Variants in RYR2 observed in about 807,000 individuals in gnomAD.
RYR2 encodes the protein ryanodine receptor 2, also known as cardiac muscle ryanodine receptor-calcium release channel.
Under a neutral mutation model 601.1 loss-of-function variants are expected in RYR2, and 227 were observed. That is an observed-to-expected ratio of 0.38 (90% CI 0.34 to 0.42). The LOEUF is 0.42. Ranked by LOEUF, RYR2 falls within the 10% of genes least tolerant of loss-of-function variation. The pLI, the probability that RYR2 is intolerant of heterozygous loss-of-function variation, is 1.00. For missense variants in RYR2, 4,646 were observed against 6,156.5 expected (o/e 0.75, Z 8.21); for synonymous variants, 2,223 against 2,175.1 (o/e 1.02, Z -0.61).
At chr1:237,776,449 A>G (rs1053640090) in intron 87 of RYR2, among the ~76,000 whole-genome samples, 50 of 152,286 alleles carry the variant, frequency 3.3e-4, no homozygotes, top group Non-Finnish European at 6.5e-4. Flanking sequence ...CCACTTTCAG[A>G]TAAATAAAAT....
chr1:237,154,072 G>A (rs968008337), intron 1 of RYR2, among the ~76,000 whole-genome samples: 1 of 152,164 alleles, frequency 6.6e-6, no homozygotes, highest in Non-Finnish European at 1.5e-5. Context: ...TGCAAGAGGG[G>A]CTCTGGGCTG....
intron 100 of RYR2, among the ~76,000 whole-genome samples, chr1:237,811,984 A>AT (rs777939605): frequency 2.0e-5 from 3 of 151,976 alleles, no homozygotes; most frequent in Non-Finnish European, 4.4e-5. Context: ...AGTCTTGTAG[A>AT]TTTTTTTTAT....
intron 86 of RYR2, among the ~76,000 whole-genome samples, chr1:237,772,587 T>C (rs1036766655): frequency 7.2e-5 from 11 of 152,226 alleles, no homozygotes; most frequent in Admixed American, 2.6e-4. Context: ...ATTGTAATCA[T>C]ATTTGAGAAC....
intron 63 of RYR2, among the ~76,000 whole-genome samples, chr1:237,693,532 CA>C (rs1359732403): frequency 1.3e-5 from 2 of 152,112 alleles, no homozygotes; most frequent in East Asian, 1.9e-4. Context: ...GATGTTATTA[CA>C]AAAAGCCAGC....
chr1:237,053,542 C>T (rs930023251), intron 1 of RYR2, among the ~76,000 whole-genome samples: 7 of 152,160 alleles, frequency 4.6e-5, no homozygotes, highest in South Asian at 2.1e-4. Context: ...AAAGAGGATA[C>T]GGAAACTGGT....
intron 51 of RYR2, among the ~76,000 whole-genome samples, chr1:237,653,534 G>A (rs182692925): frequency 7.9e-5 from 12 of 152,326 alleles, no homozygotes; most frequent in African/African-American, 2.4e-4. Flanking sequence ...TCTTCATATT[G>A]CAATCAGTGT....
intron 1 of RYR2, among the ~76,000 whole-genome samples, chr1:237,094,061 G>T (rs928768640): frequency 3.3e-5 from 5 of 152,220 alleles, no homozygotes; most frequent in African/African-American, 1.2e-4. Flanking sequence ...GGCCAGTGGG[G>T]CAGGCGAGCT....
intron 27 of RYR2, among the ~76,000 whole-genome samples, chr1:237,565,187 CTT>C (rs869066903): frequency 4.1e-4 from 29 of 70,188 alleles, no homozygotes; most frequent in Middle Eastern, 5.9e-3. Flanking sequence ...TTCTTTCTTT[CTT>C]TCTTTCTTTC....
At chr1:237,831,838 A>G (rs182735544) in intron 104 of RYR2, among the ~76,000 whole-genome samples, 3 of 136,322 alleles carry the variant, frequency 2.2e-5, no homozygotes, top group East Asian at 4.6e-4. Flanking sequence ...TGAAAAATTG[A>G]GTTCTTAATT....
intron 10 of RYR2, among the ~76,000 whole-genome samples, chr1:237,399,056 A>G (rs915974730): frequency 2.9e-4 from 44 of 152,280 alleles, no homozygotes; most frequent in African/African-American, 1.0e-3. Flanking sequence ...TTAGCTGGGC[A>G]TGGTGGCACA....
intron 25 of RYR2, among the ~76,000 whole-genome samples, chr1:237,530,997 A>G (rs1364383505): frequency 6.6e-6 from 1 of 152,216 alleles, no homozygotes; most frequent in Non-Finnish European, 1.5e-5. Context: ...AATAGTTTCT[A>G]TCACATTGCT....
rs1676579162 is a variant in RYR2 at position 237,602,199 on chromosome 1, G to A, written c.4683+88G>A. 8 of 856,472 alleles carry A rather than the reference G, an allele frequency of 9.3e-6. No homozygotes were observed. In the South Asian group the frequency reaches 1.4e-4, roughly 15 times the overall value. The allele number at this position is 856,472 out of a possible 1,614,324, so 53.1% of individuals were successfully genotyped here. ...ATTCTGAAATGAATTCAGTATATTA[G>A]TACTGATATGAATCAAATAAATCAT... On this transcript the variant is annotated intron_variant, in intron 35 of 104. Coordinates refer to ENST00000366574, the MANE Select transcript of RYR2 (RefSeq NM_001035.3).
intron 12 of RYR2, among the ~76,000 whole-genome samples, chr1:237,434,626 GC>G (rs1707159675): frequency 6.6e-6 from 1 of 152,040 alleles, no homozygotes; most frequent in South Asian, 2.1e-4. Flanking sequence ...AGCTTAAAAT[GC>G]CACTGAAACA....
At chr1:237,237,186 C>T (rs1685634349) in intron 1 of RYR2, among the ~76,000 whole-genome samples, 1 of 152,136 alleles carries the variant, frequency 6.6e-6, no homozygotes, top group African/African-American at 2.4e-5. Flanking sequence ...AAACCTCTTA[C>T]CTTTATAAAT....
At chr1:237,564,119 A>G (rs376994365) in intron 27 of RYR2, among the ~76,000 whole-genome samples, 14 of 152,274 alleles carry the variant, frequency 9.2e-5, no homozygotes, top group African/African-American at 1.9e-4. Flanking sequence ...TTTATAGCTC[A>G]TATTTATCTC....
At chr1:237,635,757 T>C (rs1680811182) in intron 44 of RYR2, among the ~76,000 whole-genome samples, 2 of 152,242 alleles carry the variant, frequency 1.3e-5, no homozygotes, top group Non-Finnish European at 2.9e-5. Flanking sequence ...CTACATCATC[T>C]GTTCCTACAT....
At chr1:237,772,219 T>C (rs1694327960) in intron 86 of RYR2, 119 bp downstream of exon 86, 1 of 545,736 alleles carries the variant, frequency 1.8e-6, no homozygotes, top group Non-Finnish European at 3.2e-6. Flanking sequence ...AGTTTATCTC[T>C]GATCACAATC....
chr1:237,401,260 C>T (rs111982730), intron 10 of RYR2, among the ~76,000 whole-genome samples: 10 of 152,254 alleles, frequency 6.6e-5, no homozygotes, highest in East Asian at 3.9e-4. Flanking sequence ...TAGCATACTG[C>T]GGTATATTTC....
Position 237,705,194 on chromosome 1 carries a change from A to G in RYR2, c.9450-19A>G, listed in dbSNP as rs755255735. On this transcript the variant is annotated intron_variant, in intron 66 of 104. Coordinates refer to ENST00000366574, the MANE Select transcript of RYR2 (RefSeq NM_001035.3). ...ACTCACTTGGAAGACCTTAAAACAT[A>G]AGCATTTTCCACTTATAGGCAACGT... 77 of 1,601,364 alleles carry G rather than the reference A, an allele frequency of 4.8e-5. No individual in the cohort carries two copies. The highest frequency in any genetic ancestry group is 6.6e-5 in the Non-Finnish European group (77 of 1,172,220).
Sources: gnomAD v4.1 joint callset for allele counts (sites outside exome capture counted in the v4.1 genomes callset) on GRCh38, gnomAD v4.1.1 for gene constraint, MANE v1.5 for transcripts, NCBI Gene and HGNC (gene_info 2026-07-23, HGNC 2026-07-21) for gene names.